Variants in CILK1 observed in about 807,000 individuals in gnomAD.
The protein encoded by CILK1 is ciliogenesis associated kinase 1, also known as serine/threonine-protein kinase ICK.
CILK1 carries 47 observed loss-of-function variants against 79.2 expected under a neutral mutation model. The ratio of observed to expected loss-of-function variants is 0.59; its 90% CI spans 0.47 to 0.76. The LOEUF is 0.76. Among genes scored for constraint, CILK1 ranks in the 30% least tolerant of loss-of-function variants. CILK1 has a pLI of 0.00. For synonymous variants in CILK1, 266 were observed against 275.9 expected (o/e 0.96, Z 0.36); for missense variants, 660 against 769.5 (o/e 0.86, Z 1.68).
At chr6:53,012,431 T>C (rs937203039) in intron 9 of CILK1, among the ~76,000 whole-genome samples, 6 of 152,298 alleles carry the variant, frequency 3.9e-5, no homozygotes, top group African/African-American at 4.8e-5. Context: ...CTGCCATCCA[T>C]TGATGATGTT....
At chr6:53,040,736 G>C (rs1479689788) in intron 2 of CILK1, among the ~76,000 whole-genome samples, 2 of 152,244 alleles carry the variant, frequency 1.3e-5, no homozygotes, top group East Asian at 3.9e-4. Flanking sequence ...TCTGGACTCA[G>C]GTTGTGAAGG....
At chr6:53,011,652 G>T in intron 11 of CILK1, 117 bp downstream of exon 11, 1 of 1,009,856 alleles carries the variant, frequency 9.9e-7, no homozygotes, top group Non-Finnish European at 1.6e-6. Context: ...GTTCCCCTCA[G>T]TTCTGAAGGG....
At chr6:53,015,426 G>T (rs1022483116) in intron 8 of CILK1, among the ~76,000 whole-genome samples, 1 of 152,132 alleles carries the variant, frequency 6.6e-6, no homozygotes, top group South Asian at 2.1e-4. Context: ...TCATACTTCC[G>T]GTCAGTTGGT....
chr6:53,029,243 A>G (rs1211572185), intron 5 of CILK1, among the ~76,000 whole-genome samples: 1 of 152,174 alleles, frequency 6.6e-6, no homozygotes, highest in Admixed American at 6.5e-5. Flanking sequence ...TAATCTAATA[A>G]GTGACCTTTC....
At chr6:53,033,886 C>G (rs568855520) in intron 3 of CILK1, among the ~76,000 whole-genome samples, 2 of 152,146 alleles carry the variant, frequency 1.3e-5, no homozygotes, top group Non-Finnish European at 2.9e-5. Flanking sequence ...CTGGAGCTTC[C>G]TCCCCAGAAG....
intron 1 of CILK1, among the ~76,000 whole-genome samples, chr6:53,057,396 C>T (rs1481805645): frequency 2.0e-5 from 3 of 152,146 alleles, no homozygotes; most frequent in Non-Finnish European, 4.4e-5. Context: ...GTGGGAAAAG[C>T]ACCAAATGAA....
At chr6:53,014,568 A>G (rs1248772815) in intron 8 of CILK1, among the ~76,000 whole-genome samples, 1 of 152,244 alleles carries the variant, frequency 6.6e-6, no homozygotes, top group Non-Finnish European at 1.5e-5. Flanking sequence ...GGGGGTTACA[A>G]TTCTTTCTGA....
In CILK1 at chr6:53,001,448, C is replaced by T. The variant is rs1763939194; in HGVS notation, c.*3701G>A. The T allele has an allele frequency of 6.6e-6, 1 of 152,338 alleles. No individual in the cohort carries two copies. The highest frequency in any genetic ancestry group is 2.4e-5 in the African/African-American group (1 of 41,424). 9.4% of individuals were successfully genotyped at this position (152,338 alleles called of 1,614,324 possible). A position where few individuals can be genotyped will look rare whatever the true frequency, so the allele number is the denominator to read the frequency against. On this transcript the variant is annotated 3_prime_UTR_variant, in exon 14 of 14. Transcript: ENST00000676107. ...TGCTTAAGTGGTTTTCTGAATTCTT[C>T]TCGTTATTATGAATATGTGCTTTAT...
chr6:53,014,943 C>T (rs1309394355), intron 8 of CILK1, among the ~76,000 whole-genome samples: 1 of 152,184 alleles, frequency 6.6e-6, no homozygotes, highest in Non-Finnish European at 1.5e-5. Flanking sequence ...TTCTTTTCTG[C>T]CCTGCAGCCA....
intron 8 of CILK1, among the ~76,000 whole-genome samples, chr6:53,015,116 T>C (rs1189089730): frequency 6.6e-6 from 1 of 152,212 alleles, no homozygotes; most frequent in Non-Finnish European, 1.5e-5. Flanking sequence ...TCCCCAGCTA[T>C]CACAAATTCT....
At chr6:53,037,528 G>A (rs1562031896) in intron 3 of CILK1, among the ~76,000 whole-genome samples, 1 of 152,152 alleles carries the variant, frequency 6.6e-6, no homozygotes, top group Non-Finnish European at 1.5e-5. Context: ...CTCAACAAGC[G>A]CAAGGGTGTG....
At chr6:53,032,216 T>C (rs989760820) in intron 4 of CILK1, among the ~76,000 whole-genome samples, 2 of 152,116 alleles carry the variant, frequency 1.3e-5, no homozygotes, top group African/African-American at 4.8e-5. Flanking sequence ...AGTAGAAATA[T>C]GGGTGGGCCC....
At chr6:53,058,805 C>A (rs1461067532) in intron 1 of CILK1, among the ~76,000 whole-genome samples, 1 of 151,914 alleles carries the variant, frequency 6.6e-6, no homozygotes, top group African/African-American at 2.4e-5. Context: ...ACATAGATCC[C>A]ACAAGCAGAA....
chr6:53,041,219 T>G lies in CILK1; in HGVS notation c.18A>C (p.Thr6=), dbSNP rs369140122. 20 of 1,613,512 alleles carry G rather than the reference T, an allele frequency of 1.2e-5. No homozygotes were observed. Among genetic ancestry groups the G allele is most frequent in the Non-Finnish European group, 1.6e-5 (19 of 1,179,646 alleles). Residue 6 remains threonine (T), a synonymous_variant, in exon 2 of 14, where the codon ACA becomes ACC. Transcript: ENST00000676107. MNRYT[T]IRQLGDGTYG... ...AGGTTCCATCCCCGAGCTGCCTGAT[T>G]GTTGTGTATCTATTCATGGTGTGCC...
chr6:53,055,084 A>T (rs1250668053), intron 1 of CILK1, among the ~76,000 whole-genome samples: 1 of 152,240 alleles, frequency 6.6e-6, no homozygotes, highest in African/African-American at 2.4e-5. Flanking sequence ...GACACCATTC[A>T]GTTCCTTAGA....
At chr6:53,040,258 T>C (rs1473016028) in intron 2 of CILK1, among the ~76,000 whole-genome samples, 1 of 152,228 alleles carries the variant, frequency 6.6e-6, no homozygotes, top group African/African-American at 2.4e-5. Flanking sequence ...CAACAGAATA[T>C]AGCAATTTGA....
intron 5 of CILK1, among the ~76,000 whole-genome samples, chr6:53,021,349 G>A (rs1055204774): frequency 6.6e-6 from 1 of 151,124 alleles, no homozygotes; most frequent in African/African-American, 2.4e-5. Flanking sequence ...GGGTTGGGGG[G>A]GTAAATCTCA....
chr6:53,018,285 G>C (rs189785600), intron 7 of CILK1, 45 bp downstream of exon 7: 2 of 1,579,504 alleles, frequency 1.3e-6, no homozygotes, highest in Non-Finnish European at 1.7e-6. Context: ...GGAAGCATGG[G>C]AAGCTGTTGG....
intron 12 of CILK1, among the ~76,000 whole-genome samples, chr6:53,008,672 T>C (rs1764384256): frequency 6.6e-6 from 1 of 152,114 alleles, no homozygotes; most frequent in African/African-American, 2.4e-5. Context: ...GTGATTCACC[T>C]GCCTCAGCCT....
Sources: allele counts gnomAD v4.1 joint callset (sites outside exome capture counted in the v4.1 genomes callset), GRCh38; gene constraint gnomAD v4.1.1; transcripts MANE v1.5; gene names NCBI Gene and HGNC (gene_info 2026-07-23, HGNC 2026-07-21).